Variants in IPCEF1 observed in about 807,000 individuals in gnomAD.
IPCEF1 encodes interactor protein for cytohesin exchange factors 1.
A neutral mutation model predicts 50.9 loss-of-function variants in IPCEF1; 31 were observed. The observed-to-expected ratio is 0.61, with a 90% CI of 0.46 to 0.82. IPCEF1 has a LOEUF of 0.82. Among genes scored for constraint, IPCEF1 ranks in the 40% least tolerant of loss-of-function variants. The pLI is 0.00. For missense variants in IPCEF1, 458 were observed against 514.0 expected, an observed-to-expected ratio of 0.89 and a Z score of 1.05; for synonymous variants, 181 against 192.0, an observed-to-expected ratio of 0.94 and a Z score of 0.47.
intron 3 of IPCEF1, among the ~76,000 whole-genome samples, chr6:154,263,947 G>A (rs1301827057): frequency 1.5e-5 from 2 of 136,366 alleles, no homozygotes; most frequent in African/African-American, 2.6e-5. Context: ...CAGTAGGGGC[G>A]GCCGGGCAGA....
At chr6:154,237,994 A>G (rs1356370315) in intron 5 of IPCEF1, among the ~76,000 whole-genome samples, 1 of 152,174 alleles carries the variant, frequency 6.6e-6, no homozygotes, top group African/African-American at 2.4e-5. Flanking sequence ...TTAGGATAAA[A>G]GCCATTTTTG....
intron 2 of IPCEF1, among the ~76,000 whole-genome samples, chr6:154,282,910 T>G (rs1323344447): frequency 1.3e-5 from 2 of 151,994 alleles, no homozygotes; most frequent in Non-Finnish European, 1.5e-5. Context: ...AGATTGAAAA[T>G]GAAGCCAAAA....
At chr6:154,221,123 G>C in intron 7 of IPCEF1, 134 bp downstream of exon 7, 1 of 669,662 alleles carries the variant, frequency 1.5e-6, no homozygotes, top group East Asian at 2.9e-5. Context: ...CATTGTAACT[G>C]CTAAATAAAT....
At chr6:154,294,631 G>A (rs1443228352) in intron 1 of IPCEF1, among the ~76,000 whole-genome samples, 3 of 152,126 alleles carry the variant, frequency 2.0e-5, no homozygotes, top group Admixed American at 2.0e-4. Flanking sequence ...TGGTAACTGG[G>A]AATTCAACCT....
At chr6:154,180,690 T>C (rs1254739126) in intron 10 of IPCEF1, among the ~76,000 whole-genome samples, 1 of 152,124 alleles carries the variant, frequency 6.6e-6, no homozygotes, top group Non-Finnish European at 1.5e-5. Context: ...TTATTTTTGG[T>C]CTTTCCTTGT....
At chr6:154,268,693 C>T (rs1363787550) in intron 2 of IPCEF1, among the ~76,000 whole-genome samples, 5 of 152,000 alleles carry the variant, frequency 3.3e-5, no homozygotes, top group African/African-American at 1.2e-4. Context: ...TGACCACGAC[C>T]TCATCTCCGG....
chr6:154,271,004 A>G (rs1781889091), intron 2 of IPCEF1, among the ~76,000 whole-genome samples: 1 of 151,990 alleles, frequency 6.6e-6, no homozygotes. Flanking sequence ...CAAACCAAAA[A>G]AACTCTTCTT....
At chr6:154,328,392 T>C (rs142298671) in intron 1 of IPCEF1, among the ~76,000 whole-genome samples, 2,077 of 152,140 alleles carry the variant, frequency 0.014, 176 homozygotes, top group Admixed American at 0.13. Context: ...ATAAAAAATA[T>C]TCCCCACCTT....
intron 11 of IPCEF1, among the ~76,000 whole-genome samples, chr6:154,162,321 C>T (rs115046569): frequency 0.012 from 1,822 of 152,320 alleles, 37 homozygotes; most frequent in African/African-American, 0.039. Context: ...AAATCCCTGT[C>T]CAGCTAATGC....
In IPCEF1 at chr6:154,214,817, A is replaced by G. The variant is rs533432884; in HGVS notation, c.393-541T>C. ...TTTAATTCCTTGAAGAATTTTATGT[A>G]AGGTAAAAATTGAAAATGTCCTATT... On this transcript the variant is annotated intron_variant, in intron 7 of 11. Coordinates refer to ENST00000367220, the MANE Select transcript of IPCEF1 (RefSeq NM_001130700.2). 2.4e-3 allele frequency among the ~76,000 whole-genome samples: 364 copies of G among 152,352 alleles called. 2 individuals carry two copies. The highest frequency in any genetic ancestry group is 4.3e-3 in the Non-Finnish European group (293 of 68,032).
At chr6:154,322,118 A>G (rs781516710) in intron 1 of IPCEF1, among the ~76,000 whole-genome samples, 3 of 152,210 alleles carry the variant, frequency 2.0e-5, no homozygotes, top group African/African-American at 7.2e-5. Context: ...ATAGATGCCA[A>G]AAGTGCATAC....
At position 154,223,208 on chromosome 6, in the gene IPCEF1, A is replaced by G; in HGVS notation, c.282T>C (p.Asp94=). 6.2e-7 allele frequency: 1 copy of G among 1,613,804 alleles called. No homozygotes were observed. Among genetic ancestry groups the G allele is most frequent in the Non-Finnish European group, 8.5e-7 (1 of 1,179,988 alleles). The change falls in exon 6 of 12, where the codon GAT becomes GAC. Residue 94 remains aspartate, a synonymous_variant. Transcript: ENST00000367220. ...EKADGFVNLP[D]FTVERASECK... ...ATTCAGATGCTCTTTCCACAGTGAA[A>G]TCAGGCAGGTTGACAAATCCATCAG...
In IPCEF1 at chr6:154,204,670, T is replaced by G. The variant is rs370526858; in HGVS notation, c.538-4630A>C. Among the ~76,000 whole-genome samples the G allele has an allele frequency of 3.3e-5, 5 of 152,252 alleles. No homozygotes were observed. The East Asian group carries it at 9.7e-4, about 29-fold the overall frequency. ...TAGTATCCATGTGACCTTGAAGAAG[T>G]CATTTTACCTGCAAGTACCATTCTA... is the stretch of plus-strand genomic sequence containing the variant. On this transcript the variant is annotated intron_variant, in intron 9 of 11. Coordinates refer to ENST00000367220, the MANE Select transcript of IPCEF1 (RefSeq NM_001130700.2).
At chr6:154,329,519 C>T (rs962868299) in intron 1 of IPCEF1, among the ~76,000 whole-genome samples, 5 of 151,572 alleles carry the variant, frequency 3.3e-5, no homozygotes, top group Middle Eastern at 3.4e-3. Flanking sequence ...ATCACTTGAG[C>T]CCAGGAGGCT....
intron 3 of IPCEF1, among the ~76,000 whole-genome samples, chr6:154,256,846 A>G (rs542541204): frequency 1.4e-3 from 209 of 152,296 alleles, no homozygotes; most frequent in African/African-American, 4.9e-3. Flanking sequence ...TTGAATTTTG[A>G]TATTTTCCTG....
At chr6:154,265,888 TG>T in intron 3 of IPCEF1, 23 bp downstream of exon 3, 1 of 1,547,580 alleles carries the variant, frequency 6.5e-7, no homozygotes, top group Non-Finnish European at 8.8e-7. Flanking sequence ...ATCTAAAGCC[TG>T]GGGTATTCCA....
chr6:154,235,999 C>T (rs1195546904), intron 5 of IPCEF1, among the ~76,000 whole-genome samples: 1 of 152,090 alleles, frequency 6.6e-6, no homozygotes, highest in Non-Finnish European at 1.5e-5. Context: ...AGCATGGTAG[C>T]GCCTCAAAAA....
intron 2 of IPCEF1, among the ~76,000 whole-genome samples, chr6:154,270,343 C>T (rs1781870664): frequency 6.6e-6 from 1 of 152,178 alleles, no homozygotes; most frequent in Non-Finnish European, 1.5e-5. Flanking sequence ...TCAATTCCTA[C>T]ATATTTACTT....
intron 5 of IPCEF1, among the ~76,000 whole-genome samples, chr6:154,235,795 G>A (rs1174034399): frequency 6.6e-6 from 1 of 152,184 alleles, no homozygotes; most frequent in Non-Finnish European, 1.5e-5. Context: ...TGCGAAAGTT[G>A]CTCAAGGTCA....
Sources: allele counts gnomAD v4.1 joint callset (sites outside exome capture counted in the v4.1 genomes callset), GRCh38; gene constraint gnomAD v4.1.1; transcripts MANE v1.5; gene names NCBI Gene and HGNC (gene_info 2026-07-23, HGNC 2026-07-21).